KCNG2: variants seen among roughly 807,000 people sequenced by gnomAD.
The protein encoded by KCNG2 is voltage-gated potassium channel regulatory subunit KCNG2.
Under a neutral mutation model 12.3 loss-of-function variants are expected in KCNG2, and 7 were observed. The observed-to-expected ratio is 0.57, with a 90% CI of 0.32 to 1.07. The LOEUF (loss-of-function observed/expected upper bound fraction) is 1.07, where lower values mean the gene tolerates loss of function less well. Among genes scored for constraint, KCNG2 ranks in the 50% least tolerant of loss-of-function variants. The probability of loss-of-function intolerance (pLI) is 0.04; values close to 1 mark genes in which losing one functional copy is unlikely to be tolerated. For missense variants in KCNG2, 703 were observed against 726.0 expected (o/e 0.97, Z 0.36); for synonymous variants, 414 against 351.4 (o/e 1.18, Z -1.99).
chr18:79,820,328 G>C (rs1306146021), intron 1 of KCNG2, among the ~76,000 whole-genome samples: 1 of 152,162 alleles, frequency 6.6e-6, no homozygotes, highest in African/African-American at 2.4e-5. Context: ...TTCTTAGGAG[G>C]GAAATGCTGA....
intron 3 of KCNG2, among the ~76,000 whole-genome samples, chr18:79,879,538 T>G (rs1440234318): frequency 2.0e-5 from 3 of 152,094 alleles, no homozygotes; most frequent in African/African-American, 7.2e-5. Flanking sequence ...AAGTTAAAAA[T>G]GGGATTACCC....
At chr18:79,828,357 T>A (rs1447891351) in intron 1 of KCNG2, among the ~76,000 whole-genome samples, 1 of 152,152 alleles carries the variant, frequency 6.6e-6, no homozygotes, top group Non-Finnish European at 1.5e-5. Flanking sequence ...TGCATGAGTC[T>A]GTGTGTGCAG....
intron 3 of KCNG2, among the ~76,000 whole-genome samples, chr18:79,881,916 C>T (rs12606172): frequency 0.12 from 18,934 of 152,160 alleles, 1,524 homozygotes; most frequent in East Asian, 0.36. Context: ...TGAATGGGGC[C>T]AGCCGGCGTT....
At chr18:79,849,245 G>GC (rs2123046395) in intron 1 of KCNG2, among the ~76,000 whole-genome samples, 1 of 152,326 alleles carries the variant, frequency 6.6e-6, no homozygotes, top group African/African-American at 2.4e-5. Flanking sequence ...CCCGTCCTTA[G>GC]CCCCTAATTC....
rs1400976780 is a variant in KCNG2 at position 79,900,087 on chromosome 18, G to GT, written c.*272dup. On this transcript the variant is annotated 3_prime_UTR_variant, in exon 4 of 4. Transcript: ENST00000316249. ...CTACGCCTAGCTAAAAATAAATTTAGTAAGTCCGAGAGATTCCACGCCTGC... is the reference window on the plus strand; with the variant it reads ...CTACGCCTAGCTAAAAATAAATTTAGTTAAGTCCGAGAGATTCCACGCCTGC... 3.0e-6 allele frequency: 1 copy of GT among 336,718 alleles called. No individual in the cohort carries two copies. Among genetic ancestry groups the GT allele is most frequent in the Non-Finnish European group, 5.3e-6 (1 of 186,948 alleles). 20.9% of individuals were successfully genotyped at this position (336,718 alleles called of 1,614,324 possible).
intron 1 of KCNG2, among the ~76,000 whole-genome samples, chr18:79,835,867 G>A (rs545477352): frequency 3.2e-4 from 48 of 152,286 alleles, no homozygotes; most frequent in African/African-American, 9.4e-4. Flanking sequence ...TGTGTATAAT[G>A]TAATACCTAG....
intron 1 of KCNG2, among the ~76,000 whole-genome samples, chr18:79,846,241 C>T (rs1256240694): frequency 6.6e-6 from 1 of 151,450 alleles, no homozygotes; most frequent in Non-Finnish European, 1.5e-5. Context: ...GGCGTGGTGG[C>T]GGGCGCCTGT....
chr18:79,830,223 A>G (rs1321397991), intron 1 of KCNG2, among the ~76,000 whole-genome samples: 1 of 152,174 alleles, frequency 6.6e-6, no homozygotes, highest in Non-Finnish European at 1.5e-5. Flanking sequence ...TTCATGGTCC[A>G]TCCCAGGTCA....
chr18:79,871,569 G>A (rs907275869), intron 3 of KCNG2, among the ~76,000 whole-genome samples: 5 of 152,316 alleles, frequency 3.3e-5, no homozygotes, highest in African/African-American at 4.8e-5. Context: ...CTCGGGGGAC[G>A]TCAGGCGGGG....
At position 79,890,356 on chromosome 18, in the gene KCNG2, G is replaced by A. The variant is rs148674216; in HGVS notation, c.625-8684G>A. Among the ~76,000 whole-genome samples the A allele has an allele frequency of 1.3e-3, 205 of 152,164 alleles. 2 individuals carry two copies. The highest frequency in any genetic ancestry group is 4.4e-3 in the African/African-American group (183 of 41,506). ...TTTATTTTAGGTTCAGTGGGTATGTGTGCAGCTCTGCTACCCGGACATATT... is the reference window on the plus strand; with the variant it reads ...TTTATTTTAGGTTCAGTGGGTATGTATGCAGCTCTGCTACCCGGACATATT... On this transcript the variant is annotated intron_variant, in intron 3 of 3. Transcript: ENST00000316249.
At chr18:79,861,164 ATGG>A (rs1390964846) in intron 2 of KCNG2, among the ~76,000 whole-genome samples, 1 of 151,952 alleles carries the variant, frequency 6.6e-6, no homozygotes, top group African/African-American at 2.4e-5. Flanking sequence ...ATAAATCTCT[ATGG>A]TAAACGATCA....
chr18:79,821,099 G>A (rs535441572), intron 1 of KCNG2, among the ~76,000 whole-genome samples: 73 of 152,120 alleles, frequency 4.8e-4, no homozygotes, highest in Non-Finnish European at 8.7e-4. Context: ...TAGTGTCCTC[G>A]GATGCACAGA....
At position 79,884,198 on chromosome 18, in the gene KCNG2, G is replaced by A. The variant is rs115259453; in HGVS notation, c.625-14842G>A. 5.8e-3 allele frequency among the ~76,000 whole-genome samples: 887 copies of A among 152,088 alleles called. 13 individuals are homozygous for A. The highest frequency in any genetic ancestry group is 0.02 in the African/African-American group (845 of 41,484). On this transcript the variant is annotated intron_variant, in intron 3 of 3. Coordinates refer to ENST00000316249, the MANE Select transcript of KCNG2 (RefSeq NM_012283.2). The surrounding 1 kb of genome is among the most constrained non-coding windows in gnomAD (Gnocchi z 5.5). ...CCCAGCACAGCACAGAAGCTGCAGG[G>A]GCTCCGTCCCCATGCCCCTCCCCAT...
At chr18:79,813,824 T>C (rs1478704692) in intron 1 of KCNG2, among the ~76,000 whole-genome samples, 1 of 152,148 alleles carries the variant, frequency 6.6e-6, no homozygotes, top group Non-Finnish European at 1.5e-5. Context: ...AACTACAGAA[T>C]GGGAGAAAAT....
intron 1 of KCNG2, among the ~76,000 whole-genome samples, chr18:79,853,451 G>A (rs4410146): frequency 0.91 from 137,665 of 152,054 alleles, 63,970 homozygotes; most frequent in East Asian, 1. Context: ...GGCGGGACTC[G>A]CCTGGGTGCC....
At chr18:79,870,418 C>T (rs773589874) in intron 3 of KCNG2, among the ~76,000 whole-genome samples, 7 of 152,080 alleles carry the variant, frequency 4.6e-5, no homozygotes, top group Non-Finnish European at 2.9e-5. Flanking sequence ...GGCCTGGTGA[C>T]GCCCACCGTG....
intron 1 of KCNG2, among the ~76,000 whole-genome samples, chr18:79,850,100 C>T (rs1568255273): frequency 6.6e-6 from 1 of 152,274 alleles, no homozygotes; most frequent in African/African-American, 2.4e-5. Flanking sequence ...CCAGCACACA[C>T]GTGCACACAT....
chr18:79,812,497 A>G (rs750731416), intron 1 of KCNG2, among the ~76,000 whole-genome samples: 18 of 152,238 alleles, frequency 1.2e-4, no homozygotes, highest in African/African-American at 1.7e-4. Context: ...TCCTCACTCA[A>G]TGTGAGGTTT....
At chr18:79,878,575 C>A (rs2123105995) in intron 3 of KCNG2, among the ~76,000 whole-genome samples, 1 of 152,382 alleles carries the variant, frequency 6.6e-6, no homozygotes, top group South Asian at 2.1e-4. Flanking sequence ...CTGCATTCCT[C>A]CCCTTGGCAG....
Sources: gnomAD v4.1 joint callset for allele counts (sites outside exome capture counted in the v4.1 genomes callset) on GRCh38, gnomAD v4.1.1 for gene constraint, Gnocchi (gnomAD v3.1) non-coding constraint, MANE v1.5 for transcripts, NCBI Gene and HGNC (gene_info 2026-07-23, HGNC 2026-07-21) for gene names.